Variants in IMPA2 observed in about 807,000 individuals in gnomAD.
IMPA2 encodes the protein IMP 2.
Under a neutral mutation model 35.1 loss-of-function variants are expected in IMPA2, and 32 were observed. The ratio of observed to expected loss-of-function variants is 0.91; its 90% CI spans 0.69 to 1.23. The LOEUF (loss-of-function observed/expected upper bound fraction) is 1.23. IMPA2 is among the 50% of genes most tolerant of loss of function. The probability of loss-of-function intolerance (pLI) is 0.00; values close to 1 mark genes in which losing one functional copy is unlikely to be tolerated. For missense variants in IMPA2, 334 were observed against 387.6 expected, an observed-to-expected ratio of 0.86 and a Z score of 1.16; for synonymous variants, 135 against 160.6, an observed-to-expected ratio of 0.84 and a Z score of 1.20.
intron 1 of IMPA2, among the ~76,000 whole-genome samples, chr18:11,996,865 C>A (rs1598688012): frequency 6.6e-6 from 1 of 152,130 alleles, no homozygotes. Context: ...AACACACACA[C>A]ACACCCAGAA....
chr18:12,022,573 G>A (rs1219778747), intron 5 of IMPA2, among the ~76,000 whole-genome samples: 4 of 126,522 alleles, frequency 3.2e-5, no homozygotes, highest in Non-Finnish European at 5.3e-5. Flanking sequence ...GTGTGTGTGC[G>A]TTTAAGACCT....
intron 5 of IMPA2, among the ~76,000 whole-genome samples, chr18:12,025,192 A>C (rs552787034): frequency 6.6e-6 from 1 of 152,320 alleles, no homozygotes; most frequent in African/African-American, 2.4e-5. Context: ...GTTCATCCGT[A>C]TCTTGTCATG....
intron 1 of IMPA2, among the ~76,000 whole-genome samples, chr18:11,984,260 C>T (rs1906591279): frequency 1.3e-5 from 2 of 152,214 alleles, no homozygotes; most frequent in South Asian, 4.1e-4. Context: ...GCTTCTGTGC[C>T]ACTCTTCCTT....
At chr18:12,018,838 T>A (rs1381400403) in intron 5 of IMPA2, among the ~76,000 whole-genome samples, 1 of 152,172 alleles carries the variant, frequency 6.6e-6, no homozygotes, top group African/African-American at 2.4e-5. Context: ...ATTATTATTA[T>A]TTTTTAGAGA....
At position 12,009,874 on chromosome 18, in the gene IMPA2, C is replaced by T. The variant is rs774453352; in HGVS notation, c.231-9C>T. The T allele has an allele frequency of 4.3e-6, 7 of 1,610,412 alleles. No individual in the cohort carries two copies. The South Asian group carries it at 6.6e-5, about 15-fold the overall frequency. ...GTGCATTTTCTCAGGCTGGGTTCTT[C>T]CACTGCAGGTTCATTGCAGAAGAGG... On this transcript the variant is annotated splice_polypyrimidine_tract_variant and intron_variant, in intron 2 of 7. Transcript: ENST00000269159.
chr18:11,981,599 ACGGCGGGATC>A lies in IMPA2; in HGVS notation c.-67_-58del. 1 of 1,037,902 alleles carries A rather than the reference ACGGCGGGATC, an allele frequency of 9.6e-7. No homozygotes were observed. Among genetic ancestry groups the A allele is most frequent in the Non-Finnish European group, 1.2e-6 (1 of 814,084 alleles). The allele number at this position is 1,037,902 out of a possible 1,614,324, so 64.3% of individuals were successfully genotyped here. A position where few individuals can be genotyped will look rare whatever the true frequency, so the allele number is the denominator to read the frequency against. On this transcript the variant is annotated 5_prime_UTR_variant, in exon 1 of 8. Coordinates refer to ENST00000269159, the MANE Select transcript of IMPA2 (RefSeq NM_014214.3). Reference sequence around the variant, plus strand: ...AGGGAGTGTGGAGCCTGGCGGCGGGACGGCGGGATCCGGTGGGAGCCGGAGTCCCGCCGAG... The same window carrying A: ...AGGGAGTGTGGAGCCTGGCGGCGGGACGGTGGGAGCCGGAGTCCCGCCGAG...
chr18:11,999,189 T>A lies in IMPA2; in HGVS notation c.230+2T>A. On this transcript the variant is annotated splice_donor_variant, in intron 2 of 7. Transcript: ENST00000269159. LOFTEE classifies it high-confidence loss of function. ...GCGAGAGAGGTTTCCTTCACACAGG[T>A]AGGTGTACTCCTCTGGGAAACACCC... 1 of 1,612,908 alleles carries A rather than the reference T, an allele frequency of 6.2e-7. No individual in the cohort carries two copies.
chr18:12,013,946 C>A (rs1043540538), intron 4 of IMPA2, among the ~76,000 whole-genome samples: 4 of 152,018 alleles, frequency 2.6e-5, no homozygotes, highest in Admixed American at 2.6e-4. Context: ...ACAAAAGGGG[C>A]CTTTCTAAAA....
chr18:12,027,566 G>GTTTTTTT (rs1907914840), intron 5 of IMPA2, among the ~76,000 whole-genome samples: 2 of 48,740 alleles, frequency 4.1e-5, no homozygotes, highest in African/African-American at 2.4e-4. Context: ...GAATGATGGT[G>GTTTTTTT]ATTTTTTTTT....
chr18:11,984,764 A>G (rs920527849), intron 1 of IMPA2, among the ~76,000 whole-genome samples: 15 of 152,052 alleles, frequency 9.9e-5, no homozygotes, highest in South Asian at 2.1e-4. Context: ...TCAGGAGATC[A>G]AGACCATCCT....
chr18:12,027,164 A>G (rs1372551357), intron 5 of IMPA2, among the ~76,000 whole-genome samples: 1 of 152,180 alleles, frequency 6.6e-6, no homozygotes, highest in Non-Finnish European at 1.5e-5. Context: ...CTGCCCGGGC[A>G]GTGAGGCCTG....
intron 5 of IMPA2, among the ~76,000 whole-genome samples, chr18:12,020,276 C>T (rs1367286647): frequency 6.6e-6 from 1 of 152,092 alleles, no homozygotes; most frequent in Admixed American, 6.6e-5. Flanking sequence ...TCACTGCAAC[C>T]TCCACCTCCT....
intron 1 of IMPA2, among the ~76,000 whole-genome samples, chr18:11,983,301 C>T (rs1023153410): frequency 2.0e-5 from 3 of 152,174 alleles, no homozygotes; most frequent in East Asian, 1.9e-4. Context: ...TCCATCCTTC[C>T]CTGCCTCCCA....
intron 1 of IMPA2, among the ~76,000 whole-genome samples, chr18:11,987,418 C>T (rs1906697934): frequency 6.6e-6 from 1 of 152,184 alleles, no homozygotes; most frequent in South Asian, 2.1e-4. Flanking sequence ...AAAACCTCTG[C>T]CTCCCGAGTT....
intron 7 of IMPA2, among the ~76,000 whole-genome samples, chr18:12,029,778 G>T (rs918132406): frequency 6.6e-6 from 1 of 152,200 alleles, no homozygotes; most frequent in East Asian, 1.9e-4. Context: ...GCACCTGAAG[G>T]CTCACGTATG....
intron 5 of IMPA2, among the ~76,000 whole-genome samples, chr18:12,020,320 A>G (rs1298119464): frequency 1.3e-5 from 2 of 152,032 alleles, no homozygotes; most frequent in African/African-American, 4.8e-5. Context: ...CAGCCTCCCA[A>G]GTAGCTGGAA....
At chr18:12,007,275 G>A (rs997039899) in intron 2 of IMPA2, among the ~76,000 whole-genome samples, 5 of 152,180 alleles carry the variant, frequency 3.3e-5, no homozygotes, top group Non-Finnish European at 7.4e-5. Flanking sequence ...GCTCACCCAC[G>A]TGACTGCCAA....
Position 12,030,627 on chromosome 18 carries a change from T to C in IMPA2, c.*169T>C, listed in dbSNP as rs368504482. On this transcript the variant is annotated 3_prime_UTR_variant, in exon 8 of 8. Coordinates refer to ENST00000269159, the MANE Select transcript of IMPA2 (RefSeq NM_014214.3). The stretch of plus-strand genomic sequence containing the variant: ...GTGGCTGGCCTTTTAAATCGACGTC[T>C]CTCTCACCAGGATTTGGTGTTTAGC... 5.0e-6 allele frequency: 3 copies of C among 595,550 alleles called. No homozygotes were observed. The highest frequency in any genetic ancestry group is 3.7e-5 in the African/African-American group (2 of 53,702). The allele number at this position is 595,550 out of a possible 1,614,324, so 36.9% of individuals were successfully genotyped here.
Position 11,991,734 on chromosome 18 carries a change from C to G in IMPA2, c.97-7320C>G, listed in dbSNP as rs866017213. 2.2e-4 allele frequency among the ~76,000 whole-genome samples: 34 copies of G among 152,280 alleles called. No individual in the cohort carries two copies. The highest frequency in any genetic ancestry group is 7.9e-4 in the African/African-American group (33 of 41,556). ...CCCCTCTTACTTGGGGGAGGGTCAGCCTTTTCATTCTGTTTGGGCCCTCAG... is the reference window on the plus strand; with the variant it reads ...CCCCTCTTACTTGGGGGAGGGTCAGGCTTTTCATTCTGTTTGGGCCCTCAG... On this transcript the variant is annotated intron_variant, in intron 1 of 7. Coordinates refer to ENST00000269159, the MANE Select transcript of IMPA2 (RefSeq NM_014214.3). This position sits in a 1 kb window ranked among gnomAD's most constrained non-coding sequence, Gnocchi z 4.1.
Sources: gnomAD v4.1 joint callset for allele counts (sites outside exome capture counted in the v4.1 genomes callset) on GRCh38, gnomAD v4.1.1 for gene constraint, Gnocchi (gnomAD v3.1) non-coding constraint, MANE v1.5 for transcripts, NCBI Gene and HGNC (gene_info 2026-07-23, HGNC 2026-07-21) for gene names.